Variants in AGBL1 observed in about 807,000 individuals in gnomAD.
AGBL1 encodes AGBL carboxypeptidase 1, also known as cytosolic carboxypeptidase 4.
Under a neutral mutation model 118.9 loss-of-function variants are expected in AGBL1, and 130 were observed. The ratio of observed to expected loss-of-function variants is 1.09; its 90% CI spans 0.95 to 1.26. AGBL1 has a LOEUF of 1.26. AGBL1 is among the 50% of genes most tolerant of loss of function. The probability of loss-of-function intolerance (pLI) is 0.00; values close to 1 mark genes in which losing one functional copy is unlikely to be tolerated. For synonymous variants in AGBL1, 555 were observed against 478.9 expected, an observed-to-expected ratio of 1.16 and a Z score of -2.08; for missense variants, 1,584 against 1,298.1, an observed-to-expected ratio of 1.22 and a Z score of -3.38.
At chr15:86,637,757 C>T (rs1355935164) in intron 21 of AGBL1, among the ~76,000 whole-genome samples, 1 of 152,096 alleles carries the variant, frequency 6.6e-6, no homozygotes, top group Non-Finnish European at 1.5e-5. Context: ...ATGGATTAAA[C>T]AGGGAGAATG....
At chr15:86,517,325 T>G (rs1231830413) in intron 18 of AGBL1, among the ~76,000 whole-genome samples, 1 of 152,224 alleles carries the variant, frequency 6.6e-6, no homozygotes, top group Non-Finnish European at 1.5e-5. Flanking sequence ...CATTAGGATC[T>G]TGTTAAAATG....
intron 5 of AGBL1, among the ~76,000 whole-genome samples, chr15:86,210,918 G>A (rs553544402): frequency 1.5e-4 from 23 of 152,282 alleles, no homozygotes; most frequent in Non-Finnish European, 2.5e-4. Flanking sequence ...AGAATTTTCA[G>A]CTTTTCTGCT....
intron 5 of AGBL1, among the ~76,000 whole-genome samples, chr15:86,213,014 T>C (rs964789123): frequency 6.6e-6 from 1 of 152,180 alleles, no homozygotes; most frequent in African/African-American, 2.4e-5. Context: ...TTCTAAACAC[T>C]ACAAGGATTC....
intron 22 of AGBL1, among the ~76,000 whole-genome samples, chr15:86,896,867 C>T (rs974523424): frequency 5.3e-5 from 8 of 151,684 alleles, no homozygotes; most frequent in African/African-American, 1.7e-4. Context: ...TCTGACCATG[C>T]ACTCCCCATT....
At chr15:86,325,068 A>G (rs1419410683) in intron 17 of AGBL1, among the ~76,000 whole-genome samples, 1 of 152,174 alleles carries the variant, frequency 6.6e-6, no homozygotes, top group African/African-American at 2.4e-5. Context: ...GTTTCATCCT[A>G]TAGTCAGTGG....
intron 22 of AGBL1, among the ~76,000 whole-genome samples, chr15:86,846,496 A>G (rs1396252501): frequency 6.6e-6 from 1 of 152,002 alleles, no homozygotes; most frequent in Non-Finnish European, 1.5e-5. Context: ...ACAGATTACT[A>G]CTTTTAATCA....
At chr15:86,098,280 T>C (rs1896506665) in intron 1 of AGBL1, among the ~76,000 whole-genome samples, 1 of 152,110 alleles carries the variant, frequency 6.6e-6, no homozygotes, top group Non-Finnish European at 1.5e-5. Context: ...ATTCTGTTGA[T>C]TGTTTCCTCT....
rs960456524 is a variant in AGBL1, at chr15:86,885,556, C to A, written c.3159-21531C>A. On this transcript the variant is annotated intron_variant, in intron 22 of 22. Transcript: ENST00000614907. ...AAATGCTTCATTCTTATTTCACTTACACAGTGATTTCTCCCAATGATGTTT... is the reference window on the plus strand; with the variant it reads ...AAATGCTTCATTCTTATTTCACTTAAACAGTGATTTCTCCCAATGATGTTT... Among the ~76,000 whole-genome samples, 4 of 152,140 alleles carry A rather than the reference C, an allele frequency of 2.6e-5. No individual in the cohort carries two copies. In the East Asian group the frequency reaches 7.7e-4, roughly 29 times the overall value.
intron 22 of AGBL1, among the ~76,000 whole-genome samples, chr15:86,809,483 A>G (rs2078760661): frequency 6.6e-6 from 1 of 152,116 alleles, no homozygotes; most frequent in South Asian, 2.1e-4. Flanking sequence ...TATTTGTCCC[A>G]TTCCTTTATA....
intron 22 of AGBL1, among the ~76,000 whole-genome samples, chr15:86,867,908 C>G (rs1343091244): frequency 6.6e-6 from 1 of 152,046 alleles, no homozygotes; most frequent in Non-Finnish European, 1.5e-5. Context: ...CCAATGAACC[C>G]AGATTATTTT....
intron 21 of AGBL1, among the ~76,000 whole-genome samples, chr15:86,601,499 G>T (rs575326370): frequency 1.3e-5 from 2 of 152,212 alleles, no homozygotes; most frequent in Admixed American, 6.5e-5. Flanking sequence ...CTTCTGTTGG[G>T]TGCAAGTGGG....
At chr15:86,746,855 T>C (rs2077764081) in intron 22 of AGBL1, among the ~76,000 whole-genome samples, 1 of 152,034 alleles carries the variant, frequency 6.6e-6, no homozygotes, top group Non-Finnish European at 1.5e-5. Flanking sequence ...AACTATAAAT[T>C]CTGATAAATA....
At chr15:86,202,012 A>G (rs1567122577) in intron 5 of AGBL1, among the ~76,000 whole-genome samples, 1 of 152,144 alleles carries the variant, frequency 6.6e-6, no homozygotes, top group Non-Finnish European at 1.5e-5. Flanking sequence ...GTGGCCAGGC[A>G]TGGGAGCGCA....
rs114642925 is a variant in AGBL1, at chr15:86,321,717, C to A, written c.2374+26309C>A. Among the ~76,000 whole-genome samples the A allele has an allele frequency of 4.2e-3, 630 of 151,308 alleles. 6 individuals are homozygous for A. Among genetic ancestry groups the A allele is most frequent in the African/African-American group, 0.014 (586 of 41,216 alleles). ...GCTTGAACTTAGGAGGTGAAGCCTGCAGTTAGCTAAAAGTGCACCACTGCA... is the reference window on the plus strand; with the variant it reads ...GCTTGAACTTAGGAGGTGAAGCCTGAAGTTAGCTAAAAGTGCACCACTGCA... On this transcript the variant is annotated intron_variant, in intron 17 of 22. Transcript: ENST00000614907.
Position 86,554,488 on chromosome 15 carries a change from G to A in AGBL1, c.2945G>A (p.Ser982Asn). ...TGGAGAGAGATGGGGGTGTCCAGAA[G>A]CTACACCATGGAAAGCAGCTACTGT... ...VVWREMGVSR[S>N]YTMESSYCGC... Residue 982 changes from serine to asparagine, a missense_variant, in exon 21 of 23, where the codon AGC becomes AAC. Ser to Asn is a conservative substitution (Grantham distance 46). Transcript: ENST00000614907. 6.3e-7 allele frequency: 1 copy of A among 1,579,530 alleles called. No homozygotes were observed. The highest frequency in any genetic ancestry group is 8.6e-7 in the Non-Finnish European group (1 of 1,164,186).
intron 23 of AGBL1, among the ~76,000 whole-genome samples, chr15:86,930,748 T>C (rs930121398): frequency 1.3e-5 from 2 of 152,190 alleles, no homozygotes; most frequent in African/African-American, 4.8e-5. Flanking sequence ...GGATCCCTCT[T>C]AGGGGCCTGC....
At chr15:86,837,224 C>CAAAA (rs71230682) in intron 22 of AGBL1, among the ~76,000 whole-genome samples, 189 of 137,540 alleles carry the variant, frequency 1.4e-3, no homozygotes, top group African/African-American at 5.1e-3. Context: ...TCCTGACTAT[C>CAAAA]AAAAAAAAAA....
intron 7 of AGBL1, among the ~76,000 whole-genome samples, chr15:86,251,372 T>A (rs1409432474): frequency 6.6e-6 from 1 of 151,958 alleles, no homozygotes; most frequent in Non-Finnish European, 1.5e-5. Context: ...AATCTCAGAG[T>A]TTCTGACTCA....
chr15:86,257,636 T>C (rs1448983307), intron 8 of AGBL1, among the ~76,000 whole-genome samples: 1 of 152,242 alleles, frequency 6.6e-6, no homozygotes, highest in South Asian at 2.1e-4. Flanking sequence ...GTGTGATCTC[T>C]AAACTTTGGC....
Sources: gnomAD v4.1 joint callset for allele counts (sites outside exome capture counted in the v4.1 genomes callset) on GRCh38, gnomAD v4.1.1 for gene constraint, MANE v1.5 for transcripts, NCBI Gene and HGNC (gene_info 2026-07-23, HGNC 2026-07-21) for gene names.